Variants in EYS observed in about 807,000 individuals in gnomAD.
EYS encodes the protein EGF-like photoreceptor maintenance factor.
A neutral mutation model predicts 282.1 loss-of-function variants in EYS; 250 were observed. That is an observed-to-expected ratio of 0.89 (90% confidence interval 0.80 to 0.98). EYS has a LOEUF of 0.98. EYS is among the 50% of genes least tolerant of loss of function. EYS has a pLI of 0.00. For missense variants in EYS, 4,016 were observed against 3,709.0 expected (o/e 1.08, Z -2.15); for synonymous variants, 1,355 against 1,282.9 (o/e 1.06, Z -1.20).
At chr6:64,065,007 C>A (rs900279739) in intron 33 of EYS, among the ~76,000 whole-genome samples, 1 of 152,098 alleles carries the variant, frequency 6.6e-6, no homozygotes, top group Non-Finnish European at 1.5e-5. Flanking sequence ...GATTTCATTA[C>A]CTTAGAGTAA....
intron 19 of EYS, 145 bp downstream of exon 19, chr6:64,886,552 C>T (rs1480058599): frequency 2.0e-6 from 1 of 501,902 alleles, no homozygotes; most frequent in Non-Finnish European, 3.3e-6. Context: ...TTATTAATTT[C>T]TTTTATAAGA....
At chr6:65,090,670 G>T (rs1349766779) in intron 12 of EYS, among the ~76,000 whole-genome samples, 1 of 152,142 alleles carries the variant, frequency 6.6e-6, no homozygotes, top group Non-Finnish European at 1.5e-5. Context: ...CTACCAGTGT[G>T]TCATAAATCC....
chr6:65,557,204 G>T (rs73449334), intron 2 of EYS, among the ~76,000 whole-genome samples: 15,065 of 152,120 alleles, frequency 0.099, 1,048 homozygotes, highest in African/African-American at 0.18. Flanking sequence ...GCACCTGCTA[G>T]GCTTGCTCCG....
At chr6:65,002,473 G>T (rs973528524) in intron 13 of EYS, among the ~76,000 whole-genome samples, 1 of 144,482 alleles carries the variant, frequency 6.9e-6, no homozygotes, top group Non-Finnish European at 1.6e-5. Context: ...GTTTGCTAGG[G>T]CCCCACCACT....
intron 19 of EYS, among the ~76,000 whole-genome samples, chr6:64,835,420 C>T (rs750824987): frequency 1.3e-5 from 2 of 151,538 alleles, no homozygotes; most frequent in South Asian, 2.1e-4. Context: ...GTGTAGCAGA[C>T]AATTCCTCAC....
intron 14 of EYS, among the ~76,000 whole-genome samples, chr6:64,960,044 T>C (rs192576474): frequency 7.2e-5 from 11 of 152,238 alleles, no homozygotes; most frequent in Admixed American, 2.0e-4. Context: ...ACATAAGTGA[T>C]ATTAGTCTTA....
chr6:64,641,140 G>T (rs1422978371), intron 22 of EYS, among the ~76,000 whole-genome samples: 2 of 152,174 alleles, frequency 1.3e-5, no homozygotes, highest in Non-Finnish European at 2.9e-5. Flanking sequence ...AAAGAAACAG[G>T]TTTAATTGGA....
At chr6:63,900,516 C>T (rs554064975) in intron 35 of EYS, among the ~76,000 whole-genome samples, 19 of 152,282 alleles carry the variant, frequency 1.2e-4, no homozygotes, top group Admixed American at 6.5e-4. Context: ...GCTGTGCACA[C>T]GCACAGCAGA....
chr6:63,826,201 T>C (rs1771456205), intron 36 of EYS, among the ~76,000 whole-genome samples: 1 of 151,688 alleles, frequency 6.6e-6, no homozygotes, highest in Non-Finnish European at 1.5e-5. Context: ...AGACAAAAAA[T>C]AAGAAAATAT....
At chr6:63,884,695 G>A (rs562642154) in intron 35 of EYS, among the ~76,000 whole-genome samples, 13 of 152,096 alleles carry the variant, frequency 8.5e-5, no homozygotes, top group East Asian at 5.8e-4. Flanking sequence ...CCTGATTTTC[G>A]AAATCTTAGT....
chr6:64,107,285 T>TTTTATATATATA (rs1275963690), intron 31 of EYS, among the ~76,000 whole-genome samples: 1 of 101,502 alleles, frequency 9.9e-6, no homozygotes, highest in Non-Finnish European at 2.0e-5. Flanking sequence ...ATATATATAT[T>TTTTATATATATA]TATATATATA....
chr6:64,815,120 C>A, intron 21 of EYS: 1 of 330,744 alleles, frequency 3.0e-6, no homozygotes. Flanking sequence ...TCCAGTCATG[C>A]CTGGAACTTA....
At chr6:64,883,903 C>G (rs1186272468) in intron 19 of EYS, among the ~76,000 whole-genome samples, 1 of 151,420 alleles carries the variant, frequency 6.6e-6, no homozygotes, top group Non-Finnish European at 1.5e-5. Flanking sequence ...TATAGAATGG[C>G]TTTAAATAGT....
At chr6:63,830,500 C>G (rs971051079) in intron 36 of EYS, among the ~76,000 whole-genome samples, 1 of 151,970 alleles carries the variant, frequency 6.6e-6, no homozygotes, top group Non-Finnish European at 1.5e-5. Context: ...TGAAATGAAG[C>G]AAGAAGAGAA....
intron 35 of EYS, among the ~76,000 whole-genome samples, chr6:63,910,297 C>A (rs1213640909): frequency 6.6e-6 from 1 of 152,008 alleles, no homozygotes; most frequent in Admixed American, 6.6e-5. Flanking sequence ...TGAAAGCATC[C>A]CTCACTGAAG....
intron 35 of EYS, among the ~76,000 whole-genome samples, chr6:63,880,957 A>G (rs942481423): frequency 4.6e-5 from 7 of 152,126 alleles, no homozygotes; most frequent in African/African-American, 1.7e-4. Context: ...TAGTTCCATA[A>G]CCTTATGGAT....
chr6:65,012,264 A>C (rs762303950), intron 13 of EYS, among the ~76,000 whole-genome samples: 62 of 152,334 alleles, frequency 4.1e-4, no homozygotes, highest in Non-Finnish European at 7.5e-4. Flanking sequence ...ACCATATCAG[A>C]CAAAAAGCAC....
chr6:65,696,289 C>T (rs1159587738), intron 1 of EYS, among the ~76,000 whole-genome samples: 1 of 151,950 alleles, frequency 6.6e-6, no homozygotes, highest in Non-Finnish European at 1.5e-5. Flanking sequence ...TTTATCTAAA[C>T]ATCTTTATTT....
At chr6:65,027,541 C>T (rs539257467) in intron 13 of EYS, among the ~76,000 whole-genome samples, 66 of 152,318 alleles carry the variant, frequency 4.3e-4, no homozygotes, top group African/African-American at 1.5e-3. Flanking sequence ...TAAACATTCT[C>T]TTCAATGCCT....
Sources: gnomAD v4.1 joint callset for allele counts (sites outside exome capture counted in the v4.1 genomes callset) on GRCh38, gnomAD v4.1.1 for gene constraint, MANE v1.5 for transcripts, NCBI Gene and HGNC (gene_info 2026-07-23, HGNC 2026-07-21) for gene names.